The following SPSB1 variants were observed in gnomAD, a reference collection of about 807,000 sequenced individuals.
The protein encoded by SPSB1 is SPRY domain-containing SOCS box protein 1.
In SPSB1, 8 loss-of-function variants were observed where a neutral mutation model predicts 21.2. The ratio of observed to expected loss-of-function variants is 0.38; its 90% CI spans 0.22 to 0.68. The LOEUF (loss-of-function observed/expected upper bound fraction) is 0.68, where lower values mean the gene tolerates loss of function less well. SPSB1 is among the 30% of genes least tolerant of loss of function. The pLI, the probability that SPSB1 is intolerant of heterozygous loss-of-function variation, is 0.53. For synonymous variants in SPSB1, 169 were observed against 161.7 expected, an observed-to-expected ratio of 1.05 and a Z score of -0.34; for missense variants, 242 against 377.8, an observed-to-expected ratio of 0.64 and a Z score of 2.98.
At chr1:9,297,202 G>A (rs1038789483) in intron 1 of SPSB1, among the ~76,000 whole-genome samples, 1 of 152,196 alleles carries the variant, frequency 6.6e-6, no homozygotes, top group African/African-American at 2.4e-5. Context: ...CTGCGTAGGC[G>A]ATGGGTGGAG....
In SPSB1 at chr1:9,305,178, G is replaced by A. The variant is rs886193945; in HGVS notation, c.-150+12107G>A. On this transcript the variant is annotated intron_variant, in intron 1 of 2. Coordinates refer to ENST00000328089, the MANE Select transcript of SPSB1 (RefSeq NM_025106.4). This position sits in a 1 kb window ranked among gnomAD's most constrained non-coding sequence, Gnocchi z 4.8. ...CTGTCACCTATATTCTGCTGACCCC[G>A]TCTCACACTCTTCATGCTGCCTGGT... 7.9e-5 allele frequency among the ~76,000 whole-genome samples: 12 copies of A among 152,186 alleles called. No individual in the cohort carries two copies. In the South Asian group the frequency reaches 1.2e-3, roughly 16 times the overall value.
chr1:9,361,657 G>A (rs1020657159), intron 2 of SPSB1, among the ~76,000 whole-genome samples: 3 of 152,234 alleles, frequency 2.0e-5, no homozygotes, highest in Non-Finnish European at 4.4e-5. Context: ...AGCCTGCTGG[G>A]GCCACAGGCC....
intron 1 of SPSB1, among the ~76,000 whole-genome samples, chr1:9,323,867 C>T (rs1213636741): frequency 1.3e-5 from 2 of 152,206 alleles, no homozygotes; most frequent in African/African-American, 4.8e-5. Context: ...GACCTTGGAA[C>T]CCGAGCCTTC....
rs773551521 is a variant in SPSB1 at position 9,355,420 on chromosome 1, C to G, written c.-149-323C>G. The stretch of plus-strand genomic sequence containing the variant: ...CTGGTTCTGTGGCACCATGGCCTTC[C>G]GCCCTGTGGAACCCTGATGAGGTAT... On this transcript the variant is annotated intron_variant, in intron 1 of 2. Coordinates refer to ENST00000328089, the MANE Select transcript of SPSB1 (RefSeq NM_025106.4). Among the ~76,000 whole-genome samples, 7 of 152,230 alleles carry G rather than the reference C, an allele frequency of 4.6e-5. No homozygotes were observed. In the East Asian group the frequency reaches 1.3e-3, roughly 29 times the overall value.
intron 1 of SPSB1, chr1:9,294,709 C>G (rs567961710): frequency 6.6e-6 from 1 of 152,272 alleles, no homozygotes; most frequent in South Asian, 2.1e-4. Flanking sequence ...GGTTTGATGT[C>G]CTTGGAAGAA....
intron 1 of SPSB1, among the ~76,000 whole-genome samples, chr1:9,307,929 T>A (rs1249310997): frequency 3.9e-5 from 6 of 152,120 alleles, no homozygotes; most frequent in Non-Finnish European, 8.8e-5. Context: ...CCCCCTCAAC[T>A]GTGATGCCAG....
At chr1:9,330,564 T>C (rs1045109455) in intron 1 of SPSB1, among the ~76,000 whole-genome samples, 19 of 152,136 alleles carry the variant, frequency 1.2e-4, no homozygotes, top group African/African-American at 4.6e-4. Flanking sequence ...AGCTGGACCT[T>C]GTGATCTGGA....
intron 1 of SPSB1, among the ~76,000 whole-genome samples, chr1:9,336,478 G>A (rs1466689705): frequency 1.3e-5 from 2 of 152,034 alleles, no homozygotes; most frequent in Non-Finnish European, 1.5e-5. Flanking sequence ...CACCTGCCTC[G>A]GCCTCCCAAA....
chr1:9,367,553 A>G lies in SPSB1; in HGVS notation c.800A>G (p.Lys267Arg). The G allele has an allele frequency of 3.7e-6, 6 of 1,612,088 alleles. No individual in the cohort carries two copies. Among genetic ancestry groups the G allele is most frequent in the Non-Finnish European group, 5.1e-6 (6 of 1,179,004 alleles). The stretch of plus-strand genomic sequence containing the variant: ...ACGCTGCCGCTGCCGGCTTCCCTCA[A>G]GGCCTACCTCCTCTACCAGTGACGT... The part of the protein sequence containing the change: ...IHTLPLPASL[K>R]AYLLYQ The change falls in exon 3 of 3, where the codon AAG becomes AGG. Residue 267 changes from lysine to arginine, a missense_variant. Coordinates refer to ENST00000328089, the MANE Select transcript of SPSB1 (RefSeq NM_025106.4). The surrounding 1 kb of genome is among the most constrained non-coding windows in gnomAD (Gnocchi z 5.9).
Position 9,324,262 on chromosome 1 carries a change from C to T in SPSB1, c.-150+31191C>T, listed in dbSNP as rs557141569. Reference sequence around the variant, plus strand: ...CTTTGTCTTTACTACCACGTGGAGCCGGCACATAGTGGGACTCACAGCTCT... The same window carrying T: ...CTTTGTCTTTACTACCACGTGGAGCTGGCACATAGTGGGACTCACAGCTCT... On this transcript the variant is annotated intron_variant, in intron 1 of 2. Transcript: ENST00000328089. The surrounding 1 kb of genome is among the most constrained non-coding windows in gnomAD (Gnocchi z 4.3). 4.6e-5 allele frequency among the ~76,000 whole-genome samples: 7 copies of T among 152,294 alleles called. No homozygotes were observed. Among genetic ancestry groups the T allele is most frequent in the African/African-American group, 7.2e-5 (3 of 41,568 alleles).
intron 1 of SPSB1, among the ~76,000 whole-genome samples, chr1:9,347,024 A>G (rs1359005381): frequency 6.6e-6 from 1 of 152,076 alleles, no homozygotes; most frequent in Non-Finnish European, 1.5e-5. Flanking sequence ...TTATTTAAAT[A>G]CCCTTCTGCC....
intron 1 of SPSB1, among the ~76,000 whole-genome samples, chr1:9,347,636 C>G (rs945995636): frequency 3.3e-5 from 5 of 152,226 alleles, no homozygotes; most frequent in African/African-American, 1.2e-4. Context: ...CATCGTGTTA[C>G]ATTTTCTGTT....
chr1:9,352,810 C>T (rs879515176), intron 1 of SPSB1, among the ~76,000 whole-genome samples: 16 of 151,700 alleles, frequency 1.1e-4, no homozygotes, highest in Middle Eastern at 3.4e-3. Context: ...GACCTCTCCC[C>T]GCCACCTGTC....
intron 1 of SPSB1, among the ~76,000 whole-genome samples, chr1:9,333,507 T>G (rs937885100): frequency 3.9e-5 from 6 of 152,112 alleles, no homozygotes; most frequent in Non-Finnish European, 8.8e-5. Flanking sequence ...ATTTTTGTAT[T>G]TTTAGTAGAG....
chr1:9,305,551 G>T lies in SPSB1; in HGVS notation c.-150+12480G>T, dbSNP rs1289755378. ...CCGGTGGCGTAGTGGATCCTAGCAGGGTCTGGGAGAGCTCGATGTGGGCCC... is the reference window on the plus strand; with the variant it reads ...CCGGTGGCGTAGTGGATCCTAGCAGTGTCTGGGAGAGCTCGATGTGGGCCC... On this transcript the variant is annotated intron_variant, in intron 1 of 2. Transcript: ENST00000328089. The surrounding 1 kb of genome is among the most constrained non-coding windows in gnomAD (Gnocchi z 4.8). Among the ~76,000 whole-genome samples the T allele has an allele frequency of 6.6e-6, 1 of 152,170 alleles. No homozygotes were observed. Among genetic ancestry groups the T allele is most frequent in the African/African-American group, 2.4e-5 (1 of 41,432 alleles).
At chr1:9,299,272 T>G (rs1211995008) in intron 1 of SPSB1, among the ~76,000 whole-genome samples, 2 of 152,216 alleles carry the variant, frequency 1.3e-5, no homozygotes, top group African/African-American at 4.8e-5. Flanking sequence ...TCTGGGCTGA[T>G]GGGTATATCA....
intron 1 of SPSB1, among the ~76,000 whole-genome samples, chr1:9,332,084 T>C (rs1039133836): frequency 6.6e-6 from 1 of 152,046 alleles, no homozygotes; most frequent in Non-Finnish European, 1.5e-5. Context: ...ACGAGGTGGC[T>C]GATGCCTATA....
At chr1:9,334,664 C>G (rs1183149855) in intron 1 of SPSB1, among the ~76,000 whole-genome samples, 1 of 152,152 alleles carries the variant, frequency 6.6e-6, no homozygotes, top group African/African-American at 2.4e-5. Flanking sequence ...ACTGACCCCC[C>G]ATTCCTGCTC....
chr1:9,316,085 T>C (rs1437338471), intron 1 of SPSB1, among the ~76,000 whole-genome samples: 1 of 152,154 alleles, frequency 6.6e-6, no homozygotes, highest in Non-Finnish European at 1.5e-5. Flanking sequence ...AGCGGCACAG[T>C]GGTCTCCGGG....
Sources: allele counts gnomAD v4.1 joint callset (sites outside exome capture counted in the v4.1 genomes callset), GRCh38; gene constraint gnomAD v4.1.1; non-coding constraint Gnocchi (gnomAD v3.1); transcripts MANE v1.5; gene names NCBI Gene and HGNC (gene_info 2026-07-23, HGNC 2026-07-21).